SBF2: variants seen among roughly 807,000 people sequenced by gnomAD.
SBF2 encodes SET binding factor 2.
SBF2 carries 112 observed loss-of-function variants against 225.2 expected under a neutral mutation model. That is an observed-to-expected ratio of 0.50 (90% CI 0.43 to 0.58). The LOEUF (loss-of-function observed/expected upper bound fraction) is 0.58. Among genes scored for constraint, SBF2 ranks in the 20% least tolerant of loss-of-function variants. The pLI, the probability that SBF2 is intolerant of heterozygous loss-of-function variation, is 0.00. For missense variants in SBF2, 1,996 were observed against 2,206.2 expected (o/e 0.90, Z 1.91); for synonymous variants, 763 against 773.3 (o/e 0.99, Z 0.22).
chr11:10,174,289 G>A (rs1384940365), intron 2 of SBF2, among the ~76,000 whole-genome samples: 4 of 152,174 alleles, frequency 2.6e-5, no homozygotes, highest in Non-Finnish European at 1.5e-5. Context: ...TGTATAACTA[G>A]AATAACCAAT....
intron 17 of SBF2, among the ~76,000 whole-genome samples, chr11:9,885,322 G>C (rs1261217102): frequency 7.9e-6 from 1 of 126,404 alleles, no homozygotes; most frequent in Non-Finnish European, 1.6e-5. Context: ...TCCCATTATT[G>C]AACATGATGT....
At chr11:9,956,362 T>G (rs575228346) in intron 16 of SBF2, among the ~76,000 whole-genome samples, 4 of 152,194 alleles carry the variant, frequency 2.6e-5, no homozygotes, top group Non-Finnish European at 5.9e-5. Flanking sequence ...TATTAAAATT[T>G]CTAAAGTAGC....
intron 2 of SBF2, among the ~76,000 whole-genome samples, chr11:10,066,564 T>G (rs1235945319): frequency 6.6e-6 from 1 of 152,132 alleles, no homozygotes; most frequent in Non-Finnish European, 1.5e-5. Context: ...TTGACAAAAG[T>G]GAGCAAACAC....
intron 2 of SBF2, among the ~76,000 whole-genome samples, chr11:10,136,454 C>G (rs1315172617): frequency 1.3e-5 from 2 of 152,152 alleles, no homozygotes; most frequent in Non-Finnish European, 2.9e-5. Context: ...CAGGGAGTGG[C>G]TGGAGACTGA....
At chr11:9,967,228 C>T (rs942731788) in intron 14 of SBF2, among the ~76,000 whole-genome samples, 2 of 151,990 alleles carry the variant, frequency 1.3e-5, no homozygotes, top group African/African-American at 4.8e-5. Flanking sequence ...AAAAATTAGC[C>T]GGGCCTGGTG....
At chr11:9,799,788 G>C (rs117754022) in intron 32 of SBF2, among the ~76,000 whole-genome samples, 1 of 152,290 alleles carries the variant, frequency 6.6e-6, no homozygotes, top group East Asian at 1.9e-4. Context: ...GACTCAGTTT[G>C]TCCAGTTCAC....
At chr11:10,192,378 T>C (rs1238391795) in intron 2 of SBF2, among the ~76,000 whole-genome samples, 1 of 152,160 alleles carries the variant, frequency 6.6e-6, no homozygotes, top group Non-Finnish European at 1.5e-5. Context: ...GTATCTTTAA[T>C]TTTCAGTGAA....
intron 4 of SBF2, among the ~76,000 whole-genome samples, chr11:10,030,836 C>T (rs967254167): frequency 6.6e-6 from 1 of 152,186 alleles, no homozygotes; most frequent in Non-Finnish European, 1.5e-5. Flanking sequence ...ACAAACACTA[C>T]ATCCTTAGAA....
chr11:9,857,659 A>G (rs1857420068), intron 18 of SBF2, among the ~76,000 whole-genome samples: 1 of 152,226 alleles, frequency 6.6e-6, no homozygotes, highest in Admixed American at 6.5e-5. Flanking sequence ...CAAACCAGAG[A>G]GCTAGTAAAT....
chr11:9,887,808 A>G (rs780081234), intron 17 of SBF2, among the ~76,000 whole-genome samples: 4 of 151,064 alleles, frequency 2.6e-5, no homozygotes, highest in Non-Finnish European at 5.9e-5. Flanking sequence ...TCCCTCCCCT[A>G]TCTTTTTTTT....
chr11:9,820,859 G>A (rs1003319472), intron 28 of SBF2, among the ~76,000 whole-genome samples: 1 of 152,172 alleles, frequency 6.6e-6, no homozygotes. Flanking sequence ...ATAACAAGAC[G>A]CTGCTTTTCC....
chr11:9,995,077 A>G (rs1947634074), intron 9 of SBF2, among the ~76,000 whole-genome samples: 1 of 152,192 alleles, frequency 6.6e-6, no homozygotes, highest in Non-Finnish European at 1.5e-5. Context: ...GGAGACAGAA[A>G]ATAAGATTTT....
At chr11:9,926,888 A>C (rs1864097414) in intron 16 of SBF2, among the ~76,000 whole-genome samples, 1 of 152,182 alleles carries the variant, frequency 6.6e-6, no homozygotes, top group South Asian at 2.1e-4. Context: ...AAAGGAAATA[A>C]AATGTCGTGT....
intron 1 of SBF2, among the ~76,000 whole-genome samples, chr11:10,202,707 G>A (rs997725611): frequency 5.3e-5 from 8 of 152,208 alleles, no homozygotes; most frequent in Non-Finnish European, 1.2e-4. Flanking sequence ...AGAATGGCGT[G>A]AACCCGGGAG....
intron 2 of SBF2, among the ~76,000 whole-genome samples, chr11:10,136,216 C>T (rs2135118576): frequency 6.6e-6 from 1 of 152,286 alleles, no homozygotes; most frequent in African/African-American, 2.4e-5. Context: ...ATTACCTCCA[C>T]AAGGTCCCCC....
intron 2 of SBF2, among the ~76,000 whole-genome samples, chr11:10,071,265 C>CTTTTTTT (rs945479458): frequency 2.9e-5 from 3 of 103,068 alleles, no homozygotes; most frequent in African/African-American, 1.1e-4. Context: ...CTCTCTCTCT[C>CTTTTTTT]TTTTTTTTTT....
chr11:10,119,503 A>C (rs1953329535), intron 2 of SBF2, among the ~76,000 whole-genome samples: 1 of 152,198 alleles, frequency 6.6e-6, no homozygotes, highest in Non-Finnish European at 1.5e-5. Context: ...TGCAAGGTCA[A>C]AAATAGATTC....
chr11:9,988,294 C>T (rs566902062), intron 13 of SBF2, among the ~76,000 whole-genome samples: 1 of 152,198 alleles, frequency 6.6e-6, no homozygotes, highest in South Asian at 2.1e-4. Flanking sequence ...AACCTAGGAC[C>T]TGAAACTATA....
chr11:10,179,221 C>T (rs1382611798), intron 2 of SBF2, among the ~76,000 whole-genome samples: 3 of 151,458 alleles, frequency 2.0e-5, no homozygotes, highest in South Asian at 2.1e-4. Context: ...GGAGGGATAG[C>T]ATTGGGAGAT....
Sources: gnomAD v4.1 joint callset for allele counts (sites outside exome capture counted in the v4.1 genomes callset) on GRCh38, gnomAD v4.1.1 for gene constraint, MANE v1.5 for transcripts, NCBI Gene and HGNC (gene_info 2026-07-23, HGNC 2026-07-21) for gene names.